STON1: variants seen among roughly 807,000 people sequenced by gnomAD.
STON1 encodes the protein stonin-1.
In STON1, 79 loss-of-function variants were observed where a neutral mutation model predicts 60.9. The ratio of observed to expected loss-of-function variants is 1.30; its 90% CI spans 1.08 to 1.56. The LOEUF (loss-of-function observed/expected upper bound fraction) is 1.56. Among genes scored for constraint, STON1 ranks in the 40% most tolerant of loss-of-function variants. The probability of loss-of-function intolerance (pLI) is 0.00; values close to 1 mark genes in which losing one functional copy is unlikely to be tolerated. For missense variants in STON1, 1,166 were observed against 858.9 expected, an observed-to-expected ratio of 1.36 and a Z score of -4.47; for synonymous variants, 363 against 306.9, an observed-to-expected ratio of 1.18 and a Z score of -1.91.
At chr2:48,564,484 TTCTTCTTCTTCTTC>T (rs1558604857) in intron 1 of STON1, among the ~76,000 whole-genome samples, 9 of 23,288 alleles carry the variant, frequency 3.9e-4, no homozygotes, top group African/African-American at 8.4e-4. Context: ...TTCTTCTTTC[TTCTTCTTCTTCTTC>T]TTCTTCTTCT....
At chr2:48,565,430 C>T (rs896322123) in intron 1 of STON1, among the ~76,000 whole-genome samples, 1 of 152,066 alleles carries the variant, frequency 6.6e-6, no homozygotes, top group Admixed American at 6.6e-5. Flanking sequence ...ATGGCCCCAT[C>T]TCTAAATATC....
chr2:48,544,582 G>A (rs1339052113), intron 1 of STON1, among the ~76,000 whole-genome samples: 1 of 152,120 alleles, frequency 6.6e-6, no homozygotes, highest in African/African-American at 2.4e-5. Context: ...GTCTTGCTCT[G>A]TTGCTTAGGC....
intron 1 of STON1, among the ~76,000 whole-genome samples, chr2:48,551,912 C>T (rs1672122482): frequency 6.6e-6 from 1 of 152,212 alleles, no homozygotes; most frequent in Non-Finnish European, 1.5e-5. Flanking sequence ...TTGGGAGCTC[C>T]AACCCGGATT....
Position 48,549,872 on chromosome 2 carries a change from A to G in STON1, c.-48+19656A>G, listed in dbSNP as rs1672024437. On this transcript the variant is annotated intron_variant, in intron 1 of 3. Transcript: ENST00000404752. ...GCAGCCTAGGTCCAGGTTTGGAGGT[A>G]GGAACCTGGCTGGGGGTGGGTGGGG... is the stretch of plus-strand genomic sequence containing the variant. Among the ~76,000 whole-genome samples, 4 of 140,716 alleles carry G rather than the reference A, an allele frequency of 2.8e-5. No homozygotes were observed. In the South Asian group the frequency reaches 7.8e-4, roughly 27 times the overall value. 92.3% of individuals were successfully genotyped at this position (140,716 alleles called of 152,430 possible).
chr2:48,580,642 C>T lies in STON1; in HGVS notation c.9C>T (p.Ser3=), dbSNP rs2103911553. The change falls in exon 2 of 4, where the codon TCC becomes TCT. Residue 3 remains serine (S), a synonymous_variant. Transcript: ENST00000404752. Reference sequence around the variant, plus strand: ...ACAATCTGATCCCAAAGATGTGCTCCACAAATCCAGGCAAATGGGTCACCT... The same window carrying T: ...ACAATCTGATCCCAAAGATGTGCTCTACAAATCCAGGCAAATGGGTCACCT... MC[S]TNPGKWVTFD... The T allele has an allele frequency of 7.3e-7, 1 of 1,367,094 alleles. No homozygotes were observed. Among genetic ancestry groups the T allele is most frequent in the Non-Finnish European group, 9.5e-7 (1 of 1,053,774 alleles). The allele number at this position is 1,367,094 out of a possible 1,614,324, so 84.7% of individuals were successfully genotyped here.
At chr2:48,592,807 A>C (rs2103962892) in intron 3 of STON1, among the ~76,000 whole-genome samples, 1 of 151,686 alleles carries the variant, frequency 6.6e-6, no homozygotes, top group Admixed American at 6.6e-5. Context: ...TAGAGATGGG[A>C]TCTCACTATG....
intron 1 of STON1, among the ~76,000 whole-genome samples, chr2:48,563,237 G>A (rs1301602977): frequency 6.6e-6 from 1 of 152,240 alleles, no homozygotes; most frequent in African/African-American, 2.4e-5. Context: ...AGGCTTGAGT[G>A]TTGACAGTCA....
At chr2:48,573,458 C>A (rs982720912) in intron 1 of STON1, among the ~76,000 whole-genome samples, 1 of 152,192 alleles carries the variant, frequency 6.6e-6, no homozygotes, top group East Asian at 1.9e-4. Context: ...TGGAAAGGAC[C>A]ACAGAGCTCA....
At chr2:48,571,700 C>G (rs1673218046) in intron 1 of STON1, among the ~76,000 whole-genome samples, 1 of 152,194 alleles carries the variant, frequency 6.6e-6, no homozygotes, top group Admixed American at 6.5e-5. Flanking sequence ...GGCCCCCTTT[C>G]CTATGAGAGG....
intron 3 of STON1, 75 bp from the exon 4 acceptor site, chr2:48,595,153 T>G (rs1572656047): frequency 8.5e-7 from 1 of 1,175,782 alleles, no homozygotes; most frequent in East Asian, 2.5e-5. Flanking sequence ...GCCACATGTA[T>G]AAAATAGGAC....
At position 48,564,480 on chromosome 2, in the gene STON1, T is replaced by TTCTTTCTTCTTC. The variant is rs1558604783; in HGVS notation, c.-47-16106_-47-16105insCTTTCTTCTTCT. ...CTTCTTCTTCTTCTTCTTCTTCTTC[T>TTCTTTCTTCTTC]TTCTTCTTCTTCTTCTTCTTCTTCT... On this transcript the variant is annotated intron_variant, in intron 1 of 3. Coordinates refer to ENST00000404752, the MANE Select transcript of STON1 (RefSeq NM_006873.4). Among the ~76,000 whole-genome samples the TTCTTTCTTCTTC allele has an allele frequency of 6.2e-5, 2 of 32,492 alleles. 1 individual carries two copies. The highest frequency in any genetic ancestry group is 1.3e-4 in the Non-Finnish European group (2 of 15,498). The allele number at this position is 32,492 out of a possible 152,430, so 21.3% of individuals were successfully genotyped here. A position where few individuals can be genotyped will look rare whatever the true frequency, so the allele number is the denominator to read the frequency against.
At chr2:48,590,284 A>C (rs747381581) in intron 2 of STON1, among the ~76,000 whole-genome samples, 1 of 152,190 alleles carries the variant, frequency 6.6e-6, no homozygotes, top group Non-Finnish European at 1.5e-5. Flanking sequence ...CTGTTGGTTA[A>C]CTGATTGATG....
At chr2:48,551,679 G>A (rs886434293) in intron 1 of STON1, among the ~76,000 whole-genome samples, 1 of 152,246 alleles carries the variant, frequency 6.6e-6, no homozygotes, top group Non-Finnish European at 1.5e-5. Flanking sequence ...CATTTTCCTT[G>A]GCATGGCTCT....
intron 1 of STON1, among the ~76,000 whole-genome samples, chr2:48,541,963 T>C (rs1382875280): frequency 6.6e-6 from 1 of 152,212 alleles, no homozygotes; most frequent in Non-Finnish European, 1.5e-5. Flanking sequence ...CTAAATGCTG[T>C]CCTTTAGATT....
chr2:48,537,853 A>G (rs1558566553), intron 1 of STON1, among the ~76,000 whole-genome samples: 2 of 151,762 alleles, frequency 1.3e-5, no homozygotes, highest in African/African-American at 4.8e-5. Context: ...TCATCTCAAA[A>G]AAAAAAAAAG....
At chr2:48,570,136 G>A (rs536830913) in intron 1 of STON1, among the ~76,000 whole-genome samples, 39 of 152,208 alleles carry the variant, frequency 2.6e-4, no homozygotes, top group Admixed American at 1.2e-3. Context: ...GGAGTTTGAG[G>A]CCAGCCTGGC....
chr2:48,530,290 T>A (rs1243707974), intron 1 of STON1, 74 bp downstream of exon 1: 1 of 328,888 alleles, frequency 3.0e-6, no homozygotes, highest in Non-Finnish European at 5.9e-6. Flanking sequence ...CCTCCCGCCG[T>A]GTCTGGGAAA....
At chr2:48,570,275 A>G (rs1035501368) in intron 1 of STON1, among the ~76,000 whole-genome samples, 5 of 152,158 alleles carry the variant, frequency 3.3e-5, no homozygotes, top group African/African-American at 1.2e-4. Flanking sequence ...GTAGAAGTGT[A>G]GTGAGCTGAG....
At chr2:48,552,619 A>T (rs975222794) in intron 1 of STON1, among the ~76,000 whole-genome samples, 1 of 151,750 alleles carries the variant, frequency 6.6e-6, no homozygotes. Flanking sequence ...AAAAAAAAAA[A>T]TTTAGCAGGG....
Sources: allele counts gnomAD v4.1 joint callset (sites outside exome capture counted in the v4.1 genomes callset), GRCh38; gene constraint gnomAD v4.1.1; transcripts MANE v1.5; gene names NCBI Gene and HGNC (gene_info 2026-07-23, HGNC 2026-07-21).